Variants in DYM observed in about 807,000 individuals in gnomAD.
DYM encodes the protein dyggve-Melchior-Clausen syndrome protein.
In DYM, 78 loss-of-function variants were observed where a neutral mutation model predicts 93.1. The observed-to-expected ratio is 0.84, with a 90% CI of 0.70 to 1.01. The LOEUF is 1.01. DYM is among the 50% of genes least tolerant of loss of function. The pLI, the probability that DYM is intolerant of heterozygous loss-of-function variation, is 0.00. For synonymous variants in DYM, 321 were observed against 319.7 expected (o/e 1.00, Z -0.04); for missense variants, 789 against 845.0 (o/e 0.93, Z 0.82).
intron 14 of DYM, among the ~76,000 whole-genome samples, chr18:49,168,860 G>A (rs537811831): frequency 1.8e-4 from 28 of 152,252 alleles, no homozygotes; most frequent in African/African-American, 4.8e-4. Context: ...AAAAGCAAAC[G>A]GGGAGGAAGA....
At chr18:49,121,995 T>C (rs932799250) in intron 15 of DYM, among the ~76,000 whole-genome samples, 2 of 152,244 alleles carry the variant, frequency 1.3e-5, no homozygotes, top group Non-Finnish European at 2.9e-5. Context: ...TTATTTTTAA[T>C]CATTCTAAAA....
chr18:49,381,001 T>C (rs1264297012), intron 3 of DYM, among the ~76,000 whole-genome samples: 14 of 151,928 alleles, frequency 9.2e-5, no homozygotes, highest in African/African-American at 2.7e-4. Context: ...TGAACTTCTT[T>C]TTTTTTTAAC....
chr18:49,415,602 C>T (rs1444728589), intron 2 of DYM, among the ~76,000 whole-genome samples: 1 of 151,954 alleles, frequency 6.6e-6, no homozygotes, highest in African/African-American at 2.4e-5. Flanking sequence ...TTCTGTAACA[C>T]AGTAAAGTTT....
chr18:49,086,738 A>G (rs2078570314), intron 17 of DYM, among the ~76,000 whole-genome samples: 4 of 152,244 alleles, frequency 2.6e-5, no homozygotes, highest in Middle Eastern at 6.8e-3. Flanking sequence ...CTGTAATCCC[A>G]GCACTTTGGG....
At chr18:49,063,622 T>C (rs1208757545) in intron 17 of DYM, among the ~76,000 whole-genome samples, 8,885 of 128,690 alleles carry the variant, frequency 0.069, 320 homozygotes, top group East Asian at 0.18. Context: ...TCTCTCTCTT[T>C]TTTTTTTTTT....
chr18:49,036,579 TCTCA>T lies in DYM; in HGVS notation c.*7472_*7475del. On this transcript the variant is annotated 3_prime_UTR_variant, in exon 18 of 18. Coordinates refer to ENST00000675505, the MANE Select transcript of DYM (RefSeq NM_001353214.3). ...GTATACATATTTTTGAGACACGGTC[TCTCA>T]CTCCATTGCCCAGGCTGGAGTGTGG... Among the ~76,000 whole-genome samples the T allele has an allele frequency of 6.6e-6, 1 of 152,306 alleles. No homozygotes were observed. The highest frequency in any genetic ancestry group is 6.5e-5 in the Admixed American group (1 of 15,302).
At chr18:49,192,574 T>C (rs945022070) in intron 14 of DYM, among the ~76,000 whole-genome samples, 1 of 152,212 alleles carries the variant, frequency 6.6e-6, no homozygotes, top group African/African-American at 2.4e-5. Flanking sequence ...TGAAGATCAA[T>C]TGACCACAGT....
chr18:49,307,035 G>A (rs1464360828), intron 8 of DYM, among the ~76,000 whole-genome samples: 2 of 151,922 alleles, frequency 1.3e-5, no homozygotes, highest in African/African-American at 4.8e-5. Flanking sequence ...AAAGGGAGAA[G>A]TATAATATAT....
intron 17 of DYM, among the ~76,000 whole-genome samples, chr18:49,067,159 G>A (rs1230288793): frequency 3.3e-5 from 5 of 149,706 alleles, no homozygotes; most frequent in Non-Finnish European, 1.5e-5. Context: ...AAGGAGTGGG[G>A]TGATGTGAGC....
intron 14 of DYM, among the ~76,000 whole-genome samples, chr18:49,201,479 C>T (rs989118927): frequency 6.6e-6 from 1 of 152,162 alleles, no homozygotes; most frequent in African/African-American, 2.4e-5. Context: ...TCGACCACAT[C>T]AGTCAGGCTC....
At chr18:49,159,148 G>A (rs1214443008) in intron 15 of DYM, among the ~76,000 whole-genome samples, 1 of 152,084 alleles carries the variant, frequency 6.6e-6, no homozygotes, top group African/African-American at 2.4e-5. Context: ...GCTCAGTAAA[G>A]GCACAAACAT....
At position 49,039,688 on chromosome 18, in the gene DYM, A is replaced by G. The variant is rs553919259; in HGVS notation, c.*4367T>C. On this transcript the variant is annotated 3_prime_UTR_variant, in exon 18 of 18. Transcript: ENST00000675505. ...TCAGTTATTTCTAATCTGCTCTTAAACCTGTTCACTGTTCTTCTCATTACA... is the reference window on the plus strand; with the variant it reads ...TCAGTTATTTCTAATCTGCTCTTAAGCCTGTTCACTGTTCTTCTCATTACA... Among the ~76,000 whole-genome samples the G allele has an allele frequency of 1.8e-4, 28 of 152,088 alleles. No homozygotes were observed. The highest frequency in any genetic ancestry group is 3.4e-3 in the Middle Eastern group (1 of 294).
chr18:49,424,993 C>T (rs543424222), intron 2 of DYM, among the ~76,000 whole-genome samples: 14 of 152,174 alleles, frequency 9.2e-5, no homozygotes, highest in Admixed American at 2.0e-4. Context: ...GATTCAATGC[C>T]ATCCCCATCA....
intron 15 of DYM, among the ~76,000 whole-genome samples, chr18:49,139,762 C>T (rs2084250348): frequency 6.6e-6 from 1 of 152,164 alleles, no homozygotes; most frequent in Non-Finnish European, 1.5e-5. Context: ...TCAGAGTGCC[C>T]TGCAAATCCA....
At chr18:49,138,824 A>G (rs1194586969) in intron 15 of DYM, among the ~76,000 whole-genome samples, 2 of 152,206 alleles carry the variant, frequency 1.3e-5, no homozygotes, top group Non-Finnish European at 2.9e-5. Context: ...ACCTGAATAC[A>G]GAAGTACAGG....
intron 1 of DYM, among the ~76,000 whole-genome samples, chr18:49,439,579 T>A (rs920979656): frequency 1.3e-5 from 2 of 152,216 alleles, no homozygotes; most frequent in African/African-American, 4.8e-5. Context: ...CAAAAAATAC[T>A]TGCTGAAATA....
At chr18:49,073,514 G>A (rs1162351433) in intron 17 of DYM, among the ~76,000 whole-genome samples, 1 of 151,992 alleles carries the variant, frequency 6.6e-6, no homozygotes, top group East Asian at 1.9e-4. Context: ...CTTAAATAAT[G>A]GCTTCAGGCC....
At chr18:49,258,526 T>C in intron 11 of DYM, 33 bp from the exon 12 acceptor site, 1 of 1,322,482 alleles carries the variant, frequency 7.6e-7, no homozygotes, top group Non-Finnish European at 1.1e-6. Context: ...AAGTAAAAAA[T>C]GATTGCTTTA....
intron 8 of DYM, among the ~76,000 whole-genome samples, chr18:49,300,286 T>C (rs2060837879): frequency 6.6e-6 from 1 of 151,750 alleles, no homozygotes; most frequent in African/African-American, 2.4e-5. Context: ...AGAATCAATT[T>C]GGAAACTACA....
Sources: gnomAD v4.1 joint callset for allele counts (sites outside exome capture counted in the v4.1 genomes callset) on GRCh38, gnomAD v4.1.1 for gene constraint, MANE v1.5 for transcripts, NCBI Gene and HGNC (gene_info 2026-07-23, HGNC 2026-07-21) for gene names.